CNOT4: variants seen among roughly 807,000 people sequenced by gnomAD.
The protein encoded by CNOT4 is CCR4-associated factor 4.
CNOT4 carries 8 observed loss-of-function variants against 73.8 expected under a neutral mutation model. That is an observed-to-expected ratio of 0.11 (90% CI 0.06 to 0.20). CNOT4 has a LOEUF of 0.20. Among genes scored for constraint, CNOT4 ranks in the 10% least tolerant of loss-of-function variants. CNOT4 has a pLI of 1.00. For synonymous variants in CNOT4, 293 were observed against 321.1 expected (o/e 0.91, Z 0.94); for missense variants, 564 against 883.4 (o/e 0.64, Z 4.58).
At chr7:135,366,078 C>T (rs532615867) in intron 10 of CNOT4, among the ~76,000 whole-genome samples, 67 of 152,292 alleles carry the variant, frequency 4.4e-4, no homozygotes, top group African/African-American at 1.5e-3. Context: ...TGTATAACTA[C>T]ATGGGAACAT....
Position 135,438,173 on chromosome 7 carries a change from A to G in CNOT4, c.159T>C (p.Cys53=), listed in dbSNP as rs1309905746. The change falls in exon 2 of 12, where the codon TGT becomes TGC. Residue 53 remains cysteine, a synonymous_variant. Coordinates refer to ENST00000541284, the MANE Select transcript of CNOT4 (RefSeq NM_001190850.2). The stretch of plus-strand genomic sequence containing the variant: ...AAGTATTTACCTTTCTACATGCAGG[A>G]CAAAGCCCATTTTCATCAGTGCGAA... The part of the protein sequence containing the change: ...HRIRTDENGL[C]PACRKPYPED... The G allele has an allele frequency of 3.1e-6, 5 of 1,589,016 alleles. No individual in the cohort carries two copies. Among genetic ancestry groups the G allele is most frequent in the East Asian group, 2.2e-5 (1 of 44,760 alleles).
intron 1 of CNOT4, chr7:135,444,703 G>C: frequency 7.9e-7 from 1 of 1,260,970 alleles, no homozygotes; most frequent in Middle Eastern, 2.7e-4. Flanking sequence ...CCGGCTGCTT[G>C]TTTGAATCCT....
In CNOT4 at chr7:135,388,165, T is replaced by A. The variant is rs945485393; in HGVS notation, c.1627+5753A>T. The A allele has an allele frequency of 4.1e-6, 4 of 985,168 alleles. No homozygotes were observed. The African/African-American group carries it at 7.0e-5, about 17-fold the overall frequency. 61.0% of individuals were successfully genotyped at this position (985,168 alleles called of 1,614,324 possible). ...GGCTACAATAATTATCTTTTAACCATCTATGCATAATTAACAACCATTCAA... is the reference window on the plus strand; with the variant it reads ...GGCTACAATAATTATCTTTTAACCAACTATGCATAATTAACAACCATTCAA... On this transcript the variant is annotated intron_variant, in intron 10 of 11. Transcript: ENST00000541284.
At chr7:135,451,379 C>A (rs1226936640) in intron 1 of CNOT4, among the ~76,000 whole-genome samples, 1 of 152,130 alleles carries the variant, frequency 6.6e-6, no homozygotes, top group Non-Finnish European at 1.5e-5. Context: ...TTGCAGCATC[C>A]ACCTCCCGAG....
In CNOT4 at chr7:135,463,144, T is replaced by C. The variant is rs116992925; in HGVS notation, c.-92-24721A>G. On this transcript the variant is annotated intron_variant, in intron 1 of 11. Transcript: ENST00000541284. ...TGGTTACTGCAGCCTTGTAGTATAG[T>C]TTGAAGTCAGGTAAAACAATGCTGG... Among the ~76,000 whole-genome samples the C allele has an allele frequency of 2.2e-3, 341 of 152,274 alleles. 12 individuals carry two copies. In the East Asian group the frequency reaches 0.054, roughly 24 times the overall value.
chr7:135,448,186 C>A (rs1799942690), intron 1 of CNOT4, among the ~76,000 whole-genome samples: 1 of 152,164 alleles, frequency 6.6e-6, no homozygotes, highest in South Asian at 2.1e-4. Context: ...AAGATCAGTA[C>A]CCAGAGTTGT....
At position 135,494,623 on chromosome 7, in the gene CNOT4, C is replaced by T. The variant is rs1295015099; in HGVS notation, c.-93+15266G>A. Among the ~76,000 whole-genome samples the T allele has an allele frequency of 4.1e-4, 63 of 152,036 alleles. 1 individual carries two copies. Among genetic ancestry groups the T allele is most frequent in the Admixed American group, 4.1e-3 (63 of 15,248 alleles). ...ACTATTCCCAGAACCTGGAATACAT[C>T]AGGGATCAAAACAAATATCCCTACC... is the stretch of plus-strand genomic sequence containing the variant. On this transcript the variant is annotated intron_variant, in intron 1 of 11. Transcript: ENST00000541284.
At chr7:135,480,081 A>G (rs1311814452) in intron 1 of CNOT4, among the ~76,000 whole-genome samples, 1 of 152,242 alleles carries the variant, frequency 6.6e-6, no homozygotes, top group Non-Finnish European at 1.5e-5. Context: ...TGCTTATTTT[A>G]GGATTTTGAA....
rs925378528 is a variant in CNOT4, at chr7:135,388,535, A to G, written c.1627+5383T>C. On this transcript the variant is annotated intron_variant, in intron 10 of 11. Transcript: ENST00000541284. ...TCTCACCTGGGATCTTAGTACTACAAGTTTATTTTTATGAGTTAGAAATAG... is the reference window on the plus strand; with the variant it reads ...TCTCACCTGGGATCTTAGTACTACAGGTTTATTTTTATGAGTTAGAAATAG... The G allele has an allele frequency of 5.3e-5, 56 of 1,060,666 alleles. No homozygotes were observed. The South Asian group carries it at 2.3e-3, about 43-fold the overall frequency. 65.7% of individuals were successfully genotyped at this position (1,060,666 alleles called of 1,614,324 possible).
intron 1 of CNOT4, among the ~76,000 whole-genome samples, chr7:135,472,555 A>C (rs1801702358): frequency 9.6e-6 from 1 of 104,676 alleles, no homozygotes; most frequent in Non-Finnish European, 1.9e-5. Context: ...ATATATATAT[A>C]TATAAAGTGA....
At chr7:135,448,723 G>T (rs557578063) in intron 1 of CNOT4, among the ~76,000 whole-genome samples, 12 of 152,102 alleles carry the variant, frequency 7.9e-5, no homozygotes, top group African/African-American at 2.7e-4. Context: ...AAGGTATAAT[G>T]ACAGTATCTC....
At chr7:135,475,046 G>C (rs187796385) in intron 1 of CNOT4, among the ~76,000 whole-genome samples, 2 of 152,296 alleles carry the variant, frequency 1.3e-5, no homozygotes, top group Admixed American at 1.3e-4. Context: ...GTTTAAGGCA[G>C]TGTAAAGATC....
At chr7:135,398,299 A>AG in intron 7 of CNOT4, 73 bp from the exon 8 acceptor site, 1 of 763,236 alleles carries the variant, frequency 1.3e-6, no homozygotes, top group Non-Finnish European at 2.2e-6. Flanking sequence ...ACTCCTCAAA[A>AG]GAAAAAAAAA....
intron 2 of CNOT4, among the ~76,000 whole-genome samples, chr7:135,432,107 C>T (rs1353000196): frequency 6.6e-6 from 1 of 150,426 alleles, no homozygotes; most frequent in Non-Finnish European, 1.5e-5. Context: ...GGTTTCAAAA[C>T]TTACAATAAT....
In CNOT4 at chr7:135,435,553, T is replaced by C. The variant is rs1585638952; in HGVS notation, c.174+2605A>G. ...TAATCTTTCTACATGAATATGACAT[T>C]CCCTCTTTCCTTTCCGAAAGGTACC... On this transcript the variant is annotated intron_variant, in intron 2 of 11. Coordinates refer to ENST00000541284, the MANE Select transcript of CNOT4 (RefSeq NM_001190850.2). 6.6e-5 allele frequency among the ~76,000 whole-genome samples: 10 copies of C among 152,326 alleles called. 3 individuals are homozygous for C. Among genetic ancestry groups the C allele is most frequent in the Admixed American group, 6.5e-4 (10 of 15,304 alleles).
intron 10 of CNOT4, among the ~76,000 whole-genome samples, chr7:135,380,824 T>C (rs1795806530): frequency 6.6e-6 from 1 of 152,168 alleles, no homozygotes; most frequent in South Asian, 2.1e-4. Flanking sequence ...ATCATTGTTA[T>C]TATTCGGTCT....
intron 1 of CNOT4, among the ~76,000 whole-genome samples, chr7:135,484,840 C>A (rs1563077286): frequency 6.6e-6 from 1 of 151,532 alleles, no homozygotes; most frequent in Non-Finnish European, 1.5e-5. Flanking sequence ...AAATACAATG[C>A]TATTCACAAT....
chr7:135,507,849 A>T (rs532542963), intron 1 of CNOT4, among the ~76,000 whole-genome samples: 15 of 152,142 alleles, frequency 9.9e-5, no homozygotes, highest in South Asian at 4.1e-4. Context: ...GTAAGTGATT[A>T]AAAAAAACCC....
chr7:135,508,764 T>C (rs959021038), intron 1 of CNOT4, among the ~76,000 whole-genome samples: 3 of 152,180 alleles, frequency 2.0e-5, no homozygotes, highest in East Asian at 3.8e-4. Flanking sequence ...ATATCACTTA[T>C]ATTTGCTAGC....
Sources: allele counts gnomAD v4.1 joint callset (sites outside exome capture counted in the v4.1 genomes callset), GRCh38; gene constraint gnomAD v4.1.1; transcripts MANE v1.5; gene names NCBI Gene and HGNC (gene_info 2026-07-23, HGNC 2026-07-21).